The following MYO16 variants were observed in gnomAD, a reference collection of about 807,000 sequenced individuals.
MYO16 encodes unconventional myosin-XVI.
A neutral mutation model predicts 205.3 loss-of-function variants in MYO16; 94 were observed. The observed-to-expected ratio is 0.46, with a 90% CI of 0.39 to 0.54. The LOEUF is 0.54. Among genes scored for constraint, MYO16 ranks in the 20% least tolerant of loss-of-function variants. MYO16 has a pLI of 0.00. For missense variants in MYO16, 2,315 were observed against 2,387.5 expected, an observed-to-expected ratio of 0.97 and a Z score of 0.63; for synonymous variants, 988 against 954.0, an observed-to-expected ratio of 1.04 and a Z score of -0.66.
intron 4 of MYO16, among the ~76,000 whole-genome samples, chr13:108,737,371 C>A (rs58305398): frequency 6.6e-6 from 1 of 152,182 alleles, no homozygotes; most frequent in African/African-American, 2.4e-5. Flanking sequence ...TTTTCAAAGG[C>A]CTTTTCTGCA....
At chr13:108,648,902 T>TTCTCTCTCTCTCTCTCTCTCTGCA (rs1555335204) in intron 1 of MYO16, among the ~76,000 whole-genome samples, 94 of 149,214 alleles carry the variant, frequency 6.3e-4, no homozygotes, top group Admixed American at 2.3e-3. Flanking sequence ...TCCATTCTAA[T>TTCTCTCTCTCTCTCTCTCTCTGCA]TCTCTCTCTC....
chr13:108,741,786 T>C (rs987091392), intron 4 of MYO16, among the ~76,000 whole-genome samples: 1 of 152,208 alleles, frequency 6.6e-6, no homozygotes, highest in Non-Finnish European at 1.5e-5. Flanking sequence ...ATAGAAGTCA[T>C]TGAAGCCCAG....
At chr13:108,569,775 T>C in the MYO16 span, among the ~76,000 whole-genome samples, 1 of 152,204 alleles carries the variant, frequency 6.6e-6, no homozygotes, top group African/African-American at 2.4e-5. Context: ...ATATTAGCTC[T>C]GGGTTTTGTG....
intron 16 of MYO16, among the ~76,000 whole-genome samples, chr13:108,927,760 G>A (rs1017359765): frequency 5.9e-5 from 9 of 152,256 alleles, no homozygotes; most frequent in Admixed American, 2.0e-4. Context: ...CAACTAACCC[G>A]AGCCATCATG....
chr13:109,065,504 A>G (rs1446239623), intron 27 of MYO16: 3 of 420,322 alleles, frequency 7.1e-6, no homozygotes, highest in Admixed American at 6.7e-5. Context: ...AATTGAAAGA[A>G]AGGGTAATAG....
intron 16 of MYO16, among the ~76,000 whole-genome samples, chr13:108,944,735 A>G (rs1301780214): frequency 6.6e-6 from 1 of 152,214 alleles, no homozygotes; most frequent in African/African-American, 2.4e-5. Flanking sequence ...TATACTTTGC[A>G]TGTTTTAAAA....
At chr13:109,159,322 T>A (rs970557666) in intron 32 of MYO16, among the ~76,000 whole-genome samples, 2 of 152,232 alleles carry the variant, frequency 1.3e-5, no homozygotes, top group African/African-American at 4.8e-5. Flanking sequence ...GTCAATCTTG[T>A]GTGAATGGGG....
intron 16 of MYO16, among the ~76,000 whole-genome samples, chr13:108,932,970 T>C (rs1882325356): frequency 6.6e-6 from 1 of 152,046 alleles, no homozygotes; most frequent in South Asian, 2.1e-4. Context: ...ACGGTAGAGA[T>C]ACCCTTGGAG....
chr13:108,730,070 C>G (rs569485427), intron 4 of MYO16, among the ~76,000 whole-genome samples: 3 of 152,298 alleles, frequency 2.0e-5, no homozygotes, highest in Admixed American at 1.3e-4. Context: ...ATCTAGGAGA[C>G]TGGTATCACA....
intron 33 of MYO16, among the ~76,000 whole-genome samples, chr13:109,169,810 C>A (rs1027271581): frequency 6.6e-6 from 1 of 152,138 alleles, no homozygotes; most frequent in Non-Finnish European, 1.5e-5. Context: ...GTCACGTACA[C>A]GCTTTCAGAG....
intron 34 of MYO16, among the ~76,000 whole-genome samples, chr13:109,188,686 G>C (rs1879787717): frequency 6.6e-6 from 1 of 152,128 alleles, no homozygotes; most frequent in Non-Finnish European, 1.5e-5. Flanking sequence ...TCAAAAGCAG[G>C]GAAGCCAACA....
At position 109,052,409 on chromosome 13, in the gene MYO16, G is replaced by T; in HGVS notation, c.2982G>T (p.Leu994=). The part of the protein sequence containing the change: ...SFKFRGHKSA[L]LSKKMTASSI... ...AATTCCGAGGACATAAGTCTGCCCTGCTCAGTAAGAAAATGACAGCTTCTT... is the reference window on the plus strand; with the variant it reads ...AATTCCGAGGACATAAGTCTGCCCTTCTCAGTAAGAAAATGACAGCTTCTT... Residue 994 remains leucine (L), a synonymous_variant, in exon 25 of 35, where the codon CTG becomes CTT. Coordinates refer to ENST00000457511, the MANE Select transcript of MYO16 (RefSeq NM_001198950.3). 1 of 1,612,666 alleles carries T rather than the reference G, an allele frequency of 6.2e-7. No individual in the cohort carries two copies. Among genetic ancestry groups the T allele is most frequent in the Non-Finnish European group, 8.5e-7 (1 of 1,178,966 alleles).
chr13:108,760,968 C>T (rs1455276566), intron 4 of MYO16, among the ~76,000 whole-genome samples: 1 of 152,184 alleles, frequency 6.6e-6, no homozygotes, highest in East Asian at 1.9e-4. Flanking sequence ...ATATAATGAC[C>T]TGTATTTCCA....
At chr13:108,872,073 A>G (rs2139140036) in intron 12 of MYO16, among the ~76,000 whole-genome samples, 1 of 152,304 alleles carries the variant, frequency 6.6e-6, no homozygotes, top group East Asian at 1.9e-4. Context: ...TCATGCCTCT[A>G]ATTTTTTAAT....
intron 2 of MYO16, among the ~76,000 whole-genome samples, chr13:108,692,976 G>T (rs1253462726): frequency 2.6e-5 from 4 of 152,040 alleles, no homozygotes; most frequent in Admixed American, 1.3e-4. Context: ...CATATATCTT[G>T]CATGTCAGAA....
At chr13:108,808,703 T>C (rs558777621) in intron 7 of MYO16, among the ~76,000 whole-genome samples, 1 of 151,992 alleles carries the variant, frequency 6.6e-6, no homozygotes, top group South Asian at 2.1e-4. Flanking sequence ...CAGATAAAAT[T>C]TGTGTTATGT....
chr13:108,961,252 A>G (rs149753102), intron 17 of MYO16, among the ~76,000 whole-genome samples: 2 of 152,194 alleles, frequency 1.3e-5, no homozygotes, highest in Non-Finnish European at 2.9e-5. Flanking sequence ...TGTTATTACA[A>G]TTATCTACAA....
chr13:108,999,280 A>G lies in MYO16; in HGVS notation c.2442+6832A>G, dbSNP rs367953679. Among the ~76,000 whole-genome samples, 255 of 152,348 alleles carry G rather than the reference A, an allele frequency of 1.7e-3. 9 individuals are homozygous for G. The South Asian group carries it at 0.05, about 30-fold the overall frequency. ...TCACACATAGATTTCAAAATCATAC[A>G]TGTGTTAAATATCTACCTCTATCTT... On this transcript the variant is annotated intron_variant, in intron 21 of 34. Transcript: ENST00000457511.
chr13:108,918,438 T>G (rs1881597413), intron 16 of MYO16, among the ~76,000 whole-genome samples: 1 of 152,220 alleles, frequency 6.6e-6, no homozygotes, highest in Non-Finnish European at 1.5e-5. Context: ...TCTATGAGAC[T>G]GTTACTAATA....
Sources: allele counts gnomAD v4.1 joint callset (sites outside exome capture counted in the v4.1 genomes callset), GRCh38; gene constraint gnomAD v4.1.1; transcripts MANE v1.5; gene names NCBI Gene and HGNC (gene_info 2026-07-23, HGNC 2026-07-21).